ESYT2: variants seen among roughly 807,000 people sequenced by gnomAD.
ESYT2 encodes extended synaptotagmin 2.
Under a neutral mutation model 107.2 loss-of-function variants are expected in ESYT2, and 54 were observed. That is an observed-to-expected ratio of 0.50 (90% CI 0.40 to 0.63). ESYT2 has a LOEUF of 0.63. Ranked by LOEUF, ESYT2 falls within the 30% of genes least tolerant of loss-of-function variation. The pLI is 0.00. For synonymous variants in ESYT2, 491 were observed against 434.1 expected, an observed-to-expected ratio of 1.13 and a Z score of -1.63; for missense variants, 1,020 against 1,094.5, an observed-to-expected ratio of 0.93 and a Z score of 0.96.
chr7:158,767,899 T>A (rs375523940), intron 7 of ESYT2, 125 bp from the exon 8 acceptor site: 38 of 1,128,560 alleles, frequency 3.4e-5, no homozygotes, highest in Middle Eastern at 4.1e-4. Context: ...AGGAGTTATC[T>A]CATTCCTCCA....
At chr7:158,739,188 A>G in intron 18 of ESYT2, 67 bp from the exon 19 acceptor site, 1 of 1,316,798 alleles carries the variant, frequency 7.6e-7, no homozygotes, top group Non-Finnish European at 1.1e-6. Context: ...TCATTGGTCC[A>G]CTGTACACGA....
chr7:158,824,396 T>C (rs1213918205), intron 1 of ESYT2, among the ~76,000 whole-genome samples: 4 of 152,252 alleles, frequency 2.6e-5, no homozygotes, highest in Non-Finnish European at 5.9e-5. Context: ...TTTATTAAAG[T>C]ATTAAGTCAA....
At chr7:158,773,869 T>A (rs1010754015) in intron 6 of ESYT2, among the ~76,000 whole-genome samples, 3 of 152,246 alleles carry the variant, frequency 2.0e-5, no homozygotes, top group African/African-American at 7.2e-5. Flanking sequence ...CCAAAGTGTA[T>A]GAAAATGTCC....
chr7:158,775,036 CTCG>C (rs1838503690), intron 6 of ESYT2, among the ~76,000 whole-genome samples: 1 of 152,114 alleles, frequency 6.6e-6, no homozygotes, highest in African/African-American at 2.4e-5. Flanking sequence ...ACAGGCATGC[CTCG>C]GAGATATTGT....
At chr7:158,821,855 C>T (rs570712589) in intron 1 of ESYT2, among the ~76,000 whole-genome samples, 1 of 152,308 alleles carries the variant, frequency 6.6e-6, no homozygotes, top group East Asian at 1.9e-4. Context: ...TGCCACTGAA[C>T]GTAAGGCCAT....
chr7:158,783,204 C>G (rs1653729350), intron 6 of ESYT2, among the ~76,000 whole-genome samples: 2 of 152,140 alleles, frequency 1.3e-5, no homozygotes. Context: ...GATCGGAAAA[C>G]AATGTCAGGT....
rs148822238 is a variant in ESYT2, at chr7:158,748,230, G to A, written c.1608C>T (p.Phe536=). The A allele has an allele frequency of 9.9e-4, 1,598 of 1,614,176 alleles. 1 individual carries two copies. Among genetic ancestry groups the A allele is most frequent in the Non-Finnish European group, 1.2e-3 (1,403 of 1,180,024 alleles). Residue 536 remains phenylalanine (F), a synonymous_variant, in exon 16 of 23, where the codon TTC becomes TTT. Transcript: ENST00000275418. Reference sequence around the variant, plus strand: ...GGTCCTGGCGCTTGGGATTGTGAATGAAGAAAGTGAAGTTTTCCTCCCACA... The same window carrying A: ...GGTCCTGGCGCTTGGGATTGTGAATAAAGAAAGTGAAGTTTTCCTCCCACA... ...EPVWEENFTF[F]IHNPKRQDLE... is the part of the protein sequence containing the mutation.
At chr7:158,815,988 A>G (rs1437330075) in intron 1 of ESYT2, among the ~76,000 whole-genome samples, 1 of 152,150 alleles carries the variant, frequency 6.6e-6, no homozygotes, top group African/African-American at 2.4e-5. Context: ...CAGCCCTCAA[A>G]AGATGGTCAC....
At chr7:158,796,559 T>C (rs1282933849) in intron 3 of ESYT2, among the ~76,000 whole-genome samples, 1 of 152,330 alleles carries the variant, frequency 6.6e-6, no homozygotes, top group African/African-American at 2.4e-5. Flanking sequence ...TACTTAAAAC[T>C]AGTGCTTCCG....
chr7:158,734,359 C>T, intron 22 of ESYT2, 63 bp downstream of exon 22: 1 of 1,611,752 alleles, frequency 6.2e-7, no homozygotes, highest in African/African-American at 1.3e-5. Context: ...ACACTACCCA[C>T]TGGGCGGGGA....
At chr7:158,781,561 G>A (rs578133838) in intron 6 of ESYT2, among the ~76,000 whole-genome samples, 8 of 151,588 alleles carry the variant, frequency 5.3e-5, no homozygotes, top group South Asian at 2.1e-4. Context: ...GTGAGTGAAC[G>A]ACTGTGAGAA....
intron 13 of ESYT2, 60 bp from the exon 14 acceptor site, chr7:158,752,903 T>A (rs1041904051): frequency 1.8e-6 from 2 of 1,134,790 alleles, no homozygotes; most frequent in African/African-American, 3.2e-5. Flanking sequence ...ATGAAGTTTA[T>A]GTAAGGTTAA....
Position 158,826,571 on chromosome 7 carries a change from C to A in ESYT2, c.330+2518G>T, listed in dbSNP as rs185165981. On this transcript the variant is annotated intron_variant, in intron 1 of 22. Coordinates refer to ENST00000275418, the MANE Select transcript of ESYT2 (RefSeq NM_001367773.1). ...GGCGCAGTGGCTCACACCTGTAATCCCAGCACTTTAGGAGGCTGAGGCGGG... is the reference window on the plus strand; with the variant it reads ...GGCGCAGTGGCTCACACCTGTAATCACAGCACTTTAGGAGGCTGAGGCGGG... 3.9e-3 allele frequency among the ~76,000 whole-genome samples: 592 copies of A among 151,474 alleles called. 4 individuals carry two copies. Among genetic ancestry groups the A allele is most frequent in the African/African-American group, 0.014 (572 of 41,290 alleles).
intron 1 of ESYT2, among the ~76,000 whole-genome samples, chr7:158,819,416 C>T (rs981043737): frequency 6.6e-6 from 1 of 152,160 alleles, no homozygotes; most frequent in African/African-American, 2.4e-5. Flanking sequence ...ATCTCACAAT[C>T]TAGTTTTTCA....
intron 21 of ESYT2, among the ~76,000 whole-genome samples, chr7:158,735,210 T>A (rs924739920): frequency 1.1e-4 from 17 of 152,258 alleles, no homozygotes; most frequent in African/African-American, 4.1e-4. Flanking sequence ...TTCACATAAA[T>A]AAAGCCAAAG....
intron 13 of ESYT2, among the ~76,000 whole-genome samples, chr7:158,758,354 G>C (rs1255334421): frequency 2.0e-5 from 3 of 152,224 alleles, no homozygotes; most frequent in Non-Finnish European, 4.4e-5. Flanking sequence ...AGGAAGCCAA[G>C]GGCGTGCATA....
In ESYT2 at chr7:158,737,150, G is replaced by A; in HGVS notation, c.2297C>T (p.Ser766Phe). ...RNLIAFSEDG[S>F]DPYVRMYLLP... Reference sequence around the variant, plus strand: ...TAAATACATGCGGACATAGGGGTCAGAGCCGTCTTCAGAGAAGGCAATGAG... The same window carrying A: ...TAAATACATGCGGACATAGGGGTCAAAGCCGTCTTCAGAGAAGGCAATGAG... The change falls in exon 20 of 23, where the codon TCT becomes TTT. Residue 766 changes from serine to phenylalanine, a missense_variant. Transcript: ENST00000275418. 6.2e-7 allele frequency: 1 copy of A among 1,613,958 alleles called. No individual in the cohort carries two copies. The highest frequency in any genetic ancestry group is 8.5e-7 in the Non-Finnish European group (1 of 1,179,878).
chr7:158,762,264 C>T (rs1443090109), intron 10 of ESYT2, among the ~76,000 whole-genome samples: 1 of 152,178 alleles, frequency 6.6e-6, no homozygotes, highest in African/African-American at 2.4e-5. Flanking sequence ...GTCTATGACA[C>T]ACTCTCCTAT....
At chr7:158,783,658 C>T (rs536284715) in intron 6 of ESYT2, among the ~76,000 whole-genome samples, 4 of 152,222 alleles carry the variant, frequency 2.6e-5, no homozygotes, top group East Asian at 1.9e-4. Context: ...TGAAGGAAGA[C>T]GAGATCCCCA....
Sources: allele counts gnomAD v4.1 joint callset (sites outside exome capture counted in the v4.1 genomes callset), GRCh38; gene constraint gnomAD v4.1.1; transcripts MANE v1.5; gene names NCBI Gene and HGNC (gene_info 2026-07-23, HGNC 2026-07-21).